The following TLK2 variants were observed in gnomAD, a reference collection of about 807,000 sequenced individuals.
TLK2 encodes tousled like kinase 2, also known as serine/threonine-protein kinase tousled-like 2.
In TLK2, 6 loss-of-function variants were observed where a neutral mutation model predicts 117.3. That is an observed-to-expected ratio of 0.05 (90% CI 0.03 to 0.10). TLK2 has a LOEUF of 0.10. Among genes scored for constraint, TLK2 ranks in the 10% least tolerant of loss-of-function variants. The pLI, the probability that TLK2 is intolerant of heterozygous loss-of-function variation, is 1.00. For synonymous variants in TLK2, 257 were observed against 316.7 expected (o/e 0.81, Z 2.00); for missense variants, 299 against 901.2 (o/e 0.33, Z 8.56).
At chr17:62,565,252 T>G in intron 11 of TLK2, 115 bp downstream of exon 11, 2 of 1,342,588 alleles carry the variant, frequency 1.5e-6, no homozygotes, top group Non-Finnish European at 1.0e-6. Context: ...TTTCAGTTAG[T>G]TTTTTAGTCA....
chr17:62,499,540 A>G (rs1223715911), intron 2 of TLK2, among the ~76,000 whole-genome samples: 2 of 151,938 alleles, frequency 1.3e-5, no homozygotes, highest in Non-Finnish European at 2.9e-5. Flanking sequence ...GAACTCAAGG[A>G]GCCATTTGTT....
intron 2 of TLK2, among the ~76,000 whole-genome samples, chr17:62,520,474 C>CGA (rs1001289128): frequency 6.6e-6 from 1 of 151,360 alleles, no homozygotes; most frequent in Non-Finnish European, 1.5e-5. Context: ...GTCAGGAGAT[C>CGA]GAGACCAGCC....
intron 7 of TLK2, among the ~76,000 whole-genome samples, chr17:62,540,929 T>C (rs2077483249): frequency 6.6e-6 from 1 of 152,170 alleles, no homozygotes; most frequent in African/African-American, 2.4e-5. Flanking sequence ...CCTGACATGT[T>C]TTACTACCAT....
chr17:62,494,106 C>T lies in TLK2; in HGVS notation c.81+12900C>T, dbSNP rs2144764166. Among the ~76,000 whole-genome samples the T allele has an allele frequency of 2.0e-5, 3 of 152,178 alleles. No individual in the cohort carries two copies. The South Asian group carries it at 6.2e-4, about 32-fold the overall frequency. On this transcript the variant is annotated intron_variant, in intron 2 of 21. Transcript: ENST00000346027. ...ATTCTATTTTGTTTTGTTTTTGAGACAGAGTCTCACTCTGTTGCCTAGGCT... is the reference window on the plus strand; with the variant it reads ...ATTCTATTTTGTTTTGTTTTTGAGATAGAGTCTCACTCTGTTGCCTAGGCT...
intron 6 of TLK2, among the ~76,000 whole-genome samples, chr17:62,526,753 T>C (rs1242487472): frequency 1.3e-5 from 2 of 152,222 alleles, no homozygotes; most frequent in Non-Finnish European, 2.9e-5. Context: ...CCAAATGTAA[T>C]CCATCAGAAA....
At chr17:62,488,858 C>G (rs1429305618) in intron 2 of TLK2, among the ~76,000 whole-genome samples, 1 of 129,790 alleles carries the variant, frequency 7.7e-6, no homozygotes, top group Non-Finnish European at 1.6e-5. Flanking sequence ...TGGGGTGTCA[C>G]TCTGTCACCC....
intron 16 of TLK2, among the ~76,000 whole-genome samples, chr17:62,590,532 A>G (rs2082001152): frequency 6.6e-6 from 1 of 152,232 alleles, no homozygotes; most frequent in Non-Finnish European, 1.5e-5. Context: ...GCTGGCAGAA[A>G]GGGGACTGAT....
rs1230785563 is a variant in TLK2, at chr17:62,498,390, C to CCT, written c.81+17184_81+17185insCT. On this transcript the variant is annotated intron_variant, in intron 2 of 21. Coordinates refer to ENST00000346027, the MANE Select transcript of TLK2 (RefSeq NM_006852.6). ...GTTGATAGTGTCGTAGAAAGCCCCC[C>CCT]TTTTTTTTTTTTTTTTTGAGACAAA... Among the ~76,000 whole-genome samples the CCT allele has an allele frequency of 1.3e-4, 18 of 142,848 alleles. 1 individual carries two copies. The highest frequency in any genetic ancestry group is 1.5e-4 in the African/African-American group (6 of 38,898). 93.7% of individuals were successfully genotyped at this position (142,848 alleles called of 152,430 possible). A position where few individuals can be genotyped will look rare whatever the true frequency, so the allele number is the denominator to read the frequency against.
intron 2 of TLK2, among the ~76,000 whole-genome samples, chr17:62,514,214 G>A (rs2145338836): frequency 6.6e-6 from 1 of 151,558 alleles, no homozygotes; most frequent in African/African-American, 2.4e-5. Context: ...TGCGATCTCA[G>A]CTTATTGCAA....
At chr17:62,497,218 T>A (rs1470393434) in intron 2 of TLK2, among the ~76,000 whole-genome samples, 3 of 151,874 alleles carry the variant, frequency 2.0e-5, no homozygotes, top group African/African-American at 7.3e-5. Flanking sequence ...CAGAGTGAGT[T>A]GTATATGCAC....
intron 1 of TLK2, among the ~76,000 whole-genome samples, chr17:62,471,584 A>G (rs1158828701): frequency 6.6e-6 from 1 of 152,152 alleles, no homozygotes; most frequent in East Asian, 1.9e-4. Context: ...CTCAGAACAT[A>G]AAGTTTATTG....
At chr17:62,528,538 T>TC (rs1396923057) in intron 6 of TLK2, among the ~76,000 whole-genome samples, 1 of 152,110 alleles carries the variant, frequency 6.6e-6, no homozygotes. Flanking sequence ...TGCCTCAGCC[T>TC]CCCGAGTAGC....
At chr17:62,474,370 G>T (rs554265159), upstream of TLK2, among the ~76,000 whole-genome samples, 1 of 150,200 alleles carries the variant, frequency 6.7e-6, no homozygotes, top group Non-Finnish European at 1.5e-5. Flanking sequence ...GAGCCACCGC[G>T]CCCGGCCCTG....
intron 6 of TLK2, among the ~76,000 whole-genome samples, chr17:62,524,979 AAAG>A (rs1175747856): frequency 6.6e-6 from 1 of 152,204 alleles, no homozygotes; most frequent in Non-Finnish European, 1.5e-5. Context: ...GCCTCCCTGC[AAAG>A]AAGAATTACC....
At chr17:62,494,343 AAAGTGCTGGGATTACAAGC>A (rs1168351269) in intron 2 of TLK2, among the ~76,000 whole-genome samples, 1 of 152,084 alleles carries the variant, frequency 6.6e-6, no homozygotes, top group East Asian at 1.9e-4. Context: ...TTGGCCTCCG[AAAGTGCTGGGATTACAAGC>A]ATCAGCCACC....
At chr17:62,506,641 A>ATGT (rs1218904667) in intron 2 of TLK2, among the ~76,000 whole-genome samples, 1 of 152,100 alleles carries the variant, frequency 6.6e-6, no homozygotes, top group Admixed American at 6.5e-5. Flanking sequence ...AATCTAGATT[A>ATGT]TGTTCATTTT....
intron 2 of TLK2, among the ~76,000 whole-genome samples, chr17:62,512,895 A>ATTATTATTATTG (rs1555610957): frequency 1.4e-5 from 2 of 147,414 alleles, no homozygotes; most frequent in African/African-American, 2.5e-5. Context: ...TATTATTATT[A>ATTATTATTATTG]GAGACGAAGT....
chr17:62,497,086 A>C (rs2073772579), intron 2 of TLK2, among the ~76,000 whole-genome samples: 1 of 151,842 alleles, frequency 6.6e-6, no homozygotes, highest in Non-Finnish European at 1.5e-5. Context: ...GTGAAACCCC[A>C]TCTCTCCAAA....
intron 11 of TLK2, among the ~76,000 whole-genome samples, chr17:62,570,092 A>G (rs2080154739): frequency 6.6e-6 from 1 of 152,130 alleles, no homozygotes; most frequent in Non-Finnish European, 1.5e-5. Context: ...TACCGGTCAT[A>G]TTGGATTAAG....
Sources: allele counts gnomAD v4.1 joint callset (sites outside exome capture counted in the v4.1 genomes callset), GRCh38; gene constraint gnomAD v4.1.1; transcripts MANE v1.5; gene names NCBI Gene and HGNC (gene_info 2026-07-23, HGNC 2026-07-21).